The following OR6N2 variants were observed in gnomAD, a reference collection of about 807,000 sequenced individuals.
The protein encoded by OR6N2 is olfactory receptor 6N2.
For missense variants in OR6N2, 399 were observed against 379.7 expected, an observed-to-expected ratio of 1.05 and a Z score of -0.42; for synonymous variants, 160 against 138.3, an observed-to-expected ratio of 1.16 and a Z score of -1.10.
chr1:158,779,758 C>A (rs1174916367), intron 1 of OR6N2, among the ~76,000 whole-genome samples: 1 of 152,158 alleles, frequency 6.6e-6, no homozygotes, highest in African/African-American at 2.4e-5. Flanking sequence ...TGCTTCTTAT[C>A]CTTCAAAATG....
intron 1 of OR6N2, among the ~76,000 whole-genome samples, chr1:158,779,590 A>C (rs1421186940): frequency 6.6e-6 from 1 of 152,248 alleles, no homozygotes; most frequent in Non-Finnish European, 1.5e-5. Flanking sequence ...ATTGAAAGCA[A>C]CTGATACTTA....
chr1:158,775,699 C>A lies in OR6N2; in HGVS notation c.*983G>T, dbSNP rs961744891. ...GGTAATTTACACCAGGGTAGAAACA[C>A]TAAAGAGTATAAGAAATAAATTGAT... On this transcript the variant is annotated 3_prime_UTR_variant, in exon 2 of 2. Transcript: ENST00000641131. The A allele has an allele frequency of 6.6e-6, 1 of 151,698 alleles. No homozygotes were observed. 9.4% of individuals were successfully genotyped at this position (151,698 alleles called of 1,614,324 possible).
In OR6N2 at chr1:158,774,461, C is replaced by G. The variant is rs555600978; in HGVS notation, c.*2221G>C. On this transcript the variant is annotated 3_prime_UTR_variant, in exon 2 of 2. Coordinates refer to ENST00000641131, the MANE Select transcript of OR6N2 (RefSeq NM_001005278.2). ...AGCCCATTCCCACAGCTCAGGAAAG[C>G]TGCCCAGGCTGAATGAACTCTCACT... 7.2e-5 allele frequency: 11 copies of G among 152,298 alleles called. No individual in the cohort carries two copies. In the South Asian group the frequency reaches 2.3e-3, roughly 32 times the overall value. 9.4% of individuals were successfully genotyped at this position (152,298 alleles called of 1,614,324 possible). A position where few individuals can be genotyped will look rare whatever the true frequency, so the allele number is the denominator to read the frequency against.
At position 158,777,100 on chromosome 1, in the gene OR6N2, C is replaced by T. The variant is rs776018180; in HGVS notation, c.536G>A (p.Cys179Tyr). The T allele has an allele frequency of 1.9e-6, 3 of 1,614,104 alleles. No homozygotes were observed. The highest frequency in any genetic ancestry group is 2.5e-6 in the Non-Finnish European group (3 of 1,180,002). Residue 179 changes from cysteine (C) to tyrosine (Y), a missense_variant, in exon 2 of 2, where the codon TGT (cysteine) becomes TAT (tyrosine). Coordinates refer to ENST00000641131, the MANE Select transcript of OR6N2 (RefSeq NM_001005278.2). ...CAYNEIQHIF[C>Y]DFPPLLSLAC... ...CAAGCTCAGCAAAGGTGGAAAGTCACAGAAAATGTGTTGGATTTCATTGTA... is the reference window on the plus strand; with the variant it reads ...CAAGCTCAGCAAAGGTGGAAAGTCATAGAAAATGTGTTGGATTTCATTGTA...
rs772614583 is a variant in OR6N2 at position 158,776,999 on chromosome 1, A to G, written c.637T>C (p.Phe213Leu). ...NAFIILITFF[F>L]IMISYARIIG... ...ATCCTTGCATAAGAAATCATGATAA[A>G]GAAGAAAGTGATAAGAATTATGAAA... Residue 213 changes from phenylalanine (F) to leucine (L), a missense_variant, in exon 2 of 2, where the codon TTT becomes CTT. Coordinates refer to ENST00000641131, the MANE Select transcript of OR6N2 (RefSeq NM_001005278.2). 1.2e-6 allele frequency: 2 copies of G among 1,614,176 alleles called. No homozygotes were observed. Among genetic ancestry groups the G allele is most frequent in the East Asian group, 4.5e-5 (2 of 44,880 alleles).
chr1:158,778,399 A>G (rs1185761641), intron 1 of OR6N2, among the ~76,000 whole-genome samples: 1 of 152,226 alleles, frequency 6.6e-6, no homozygotes, highest in Non-Finnish European at 1.5e-5. Flanking sequence ...ATCTGGGATC[A>G]GCTGTGTAAA....
In OR6N2 at chr1:158,776,611, G is replaced by T; in HGVS notation, c.*71C>A. 1.2e-6 allele frequency: 1 copy of T among 816,520 alleles called. No homozygotes were observed. The highest frequency in any genetic ancestry group is 2.0e-6 in the Non-Finnish European group (1 of 505,592). 50.6% of individuals were successfully genotyped at this position (816,520 alleles called of 1,614,324 possible). On this transcript the variant is annotated 3_prime_UTR_variant, in exon 2 of 2. Coordinates refer to ENST00000641131, the MANE Select transcript of OR6N2 (RefSeq NM_001005278.2). ...AGGAAATGAAATTCAGAGCATGTGT[G>T]ATGATGGGAAGATTACTCAAGGAAC...
chr1:158,775,548 T>A lies in OR6N2; in HGVS notation c.*1134A>T, dbSNP rs1358521311. 6.6e-6 allele frequency: 1 copy of A among 152,214 alleles called. No homozygotes were observed. Among genetic ancestry groups the A allele is most frequent in the African/African-American group, 2.4e-5 (1 of 41,448 alleles). The allele number at this position is 152,214 out of a possible 1,614,324, so 9.4% of individuals were successfully genotyped here. Reference sequence around the variant, plus strand: ...AATTTCTCATGTTTTTATAAAATGGTATATACAATTCAGATTTCAAATACA... The same window carrying A: ...AATTTCTCATGTTTTTATAAAATGGAATATACAATTCAGATTTCAAATACA... On this transcript the variant is annotated 3_prime_UTR_variant, in exon 2 of 2. Transcript: ENST00000641131.
Position 158,777,405 on chromosome 1 carries a change from A to G in OR6N2, c.231T>C (p.Thr77=). 6.2e-7 allele frequency: 1 copy of G among 1,614,158 alleles called. No homozygotes were observed. Among genetic ancestry groups the G allele is most frequent in the Non-Finnish European group, 8.5e-7 (1 of 1,179,946 alleles). Residue 77 remains threonine, a synonymous_variant, in exon 2 of 2, where the codon ACT becomes ACC. Coordinates refer to ENST00000641131, the MANE Select transcript of OR6N2 (RefSeq NM_001005278.2). ...GAATATTAGACAACATCTTAGGGAT[A>G]GTGGTAGCTGTATACCACAACTCCA... The part of the protein sequence containing the change: ...SFLELWYTAT[T]IPKMLSNILS...
At chr1:158,779,991 G>T (rs774736196) in intron 1 of OR6N2, among the ~76,000 whole-genome samples, 1 of 152,176 alleles carries the variant, frequency 6.6e-6, no homozygotes, top group Non-Finnish European at 1.5e-5. Context: ...GCATAGAATT[G>T]TGAAATCAAT....
At chr1:158,778,290 A>AG (rs1657661130) in intron 1 of OR6N2, among the ~76,000 whole-genome samples, 1 of 152,358 alleles carries the variant, frequency 6.6e-6, no homozygotes, top group Admixed American at 6.5e-5. Flanking sequence ...TGTAAAGTAC[A>AG]GAACACTTCA....
chr1:158,776,711 C>T lies in OR6N2; in HGVS notation c.925G>A (p.Gly309Arg). 1 of 1,610,172 alleles carries T rather than the reference C, an allele frequency of 6.2e-7. No homozygotes were observed. Among genetic ancestry groups the T allele is most frequent in the Non-Finnish European group, 8.5e-7 (1 of 1,177,542 alleles). Residue 309 changes from glycine (G) to arginine (R), a missense_variant, in exon 2 of 2, where the codon GGA becomes AGA. Physicochemically the swap from Gly to Arg is moderately radical, Grantham distance 125 (BLOSUM62 -2). Transcript: ENST00000641131. ...AGATGAGCAAGACTAGCTTTATCTC[C>T]CTTCTGGAAGATGGTCCTCTTGATA... is the stretch of plus-strand genomic sequence containing the variant. ...KAIKRTIFQK[G>R]DKASLAHL
At chr1:158,778,210 T>A (rs1431969936) in intron 1 of OR6N2, among the ~76,000 whole-genome samples, 1 of 152,178 alleles carries the variant, frequency 6.6e-6, no homozygotes, top group African/African-American at 2.4e-5. Flanking sequence ...AACACAAAAT[T>A]CAGCAAGGTA....
At chr1:158,777,859 A>C (rs1035057858) in intron 1 of OR6N2, among the ~76,000 whole-genome samples, 1 of 152,186 alleles carries the variant, frequency 6.6e-6, no homozygotes. Context: ...TTCAATATTT[A>C]CTTAATTTTT....
Position 158,776,927 on chromosome 1 carries a change from C to G in OR6N2, c.709G>C (p.Ala237Pro), listed in dbSNP as rs750294694. Reference protein sequence around the residue: ...KIKTASGRKKAFSTCASHLAV... With the variant: ...KIKTASGRKKPFSTCASHLAV... ...AGATGTGAGGCACAGGTAGAAAAGG[C>G]CTTCTTTCTTCCTGATGCTGTTTTT... The change falls in exon 2 of 2, where the codon GCC (alanine) becomes CCC (proline). Residue 237 changes from alanine to proline, a missense_variant. Coordinates refer to ENST00000641131, the MANE Select transcript of OR6N2 (RefSeq NM_001005278.2). 3.1e-6 allele frequency: 5 copies of G among 1,613,838 alleles called. No homozygotes were observed. The highest frequency in any genetic ancestry group is 3.3e-5 in the Admixed American group (2 of 60,000).
rs1440646428 is a variant in OR6N2 at position 158,777,783 on chromosome 1, T to C, written c.-6-142A>G. Reference sequence around the variant, plus strand: ...TTGCCCTCACTACTATTACTATTACTGTAAAAATATTAATAGCTAACTCTT... The same window carrying C: ...TTGCCCTCACTACTATTACTATTACCGTAAAAATATTAATAGCTAACTCTT... On this transcript the variant is annotated intron_variant, in intron 1 of 1. Transcript: ENST00000641131. 33 of 592,806 alleles carry C rather than the reference T, an allele frequency of 5.6e-5. No individual in the cohort carries two copies. The East Asian group carries it at 9.3e-4, about 17-fold the overall frequency. The allele number at this position is 592,806 out of a possible 1,614,324, so 36.7% of individuals were successfully genotyped here. A position where few individuals can be genotyped will look rare whatever the true frequency, so the allele number is the denominator to read the frequency against.
In OR6N2 at chr1:158,776,459, T is replaced by A. The variant is rs918294135; in HGVS notation, c.*223A>T. Reference sequence around the variant, plus strand: ...ACCTAGGAAATATACATGCTTTTTTTTAAAAAAAGAAGTATGTAGATACTA... The same window carrying A: ...ACCTAGGAAATATACATGCTTTTTTATAAAAAAAGAAGTATGTAGATACTA... On this transcript the variant is annotated 3_prime_UTR_variant, in exon 2 of 2. Coordinates refer to ENST00000641131, the MANE Select transcript of OR6N2 (RefSeq NM_001005278.2). 9 of 386,228 alleles carry A rather than the reference T, an allele frequency of 2.3e-5. No individual in the cohort carries two copies. Among genetic ancestry groups the A allele is most frequent in the African/African-American group, 1.7e-4 (8 of 47,954 alleles). 23.9% of individuals were successfully genotyped at this position (386,228 alleles called of 1,614,324 possible).
At position 158,776,798 on chromosome 1, in the gene OR6N2, C is replaced by T. The variant is rs186539843; in HGVS notation, c.838G>A (p.Val280Ile). ...ATTGGATTGACCATTGGTGTTAGTA[C>T]GGAGTAAACTATAGCAAGTGTTCGG... ...LDRTLAIVYS[V>I]LTPMVNPIIY... is the part of the protein sequence containing the mutation. The change falls in exon 2 of 2, where the codon GTA becomes ATA. Residue 280 changes from valine (V) to isoleucine (I), a missense_variant. Val to Ile is a conservative substitution (Grantham distance 29). Coordinates refer to ENST00000641131, the MANE Select transcript of OR6N2 (RefSeq NM_001005278.2). 866 of 1,613,882 alleles carry T rather than the reference C, an allele frequency of 5.4e-4. No individual in the cohort carries two copies. The highest frequency in any genetic ancestry group is 1.8e-3 in the Middle Eastern group (11 of 6,058).
rs754092153 is a variant in OR6N2 at position 158,776,904 on chromosome 1, A to G, written c.732T>C (p.His244=). The G allele has an allele frequency of 6.2e-7, 1 of 1,614,016 alleles. No individual in the cohort carries two copies. Among genetic ancestry groups the G allele is most frequent in the Non-Finnish European group, 8.5e-7 (1 of 1,180,008 alleles). ...RKKAFSTCAS[H]LAVVLIFFGS... ...CAAAGAAGATGAGGACCACAGCAAG[A>G]TGTGAGGCACAGGTAGAAAAGGCCT... Residue 244 remains histidine, a synonymous_variant, in exon 2 of 2, where the codon CAT becomes CAC. Transcript: ENST00000641131.
Sources: gnomAD v4.1 joint callset for allele counts (sites outside exome capture counted in the v4.1 genomes callset) on GRCh38, gnomAD v4.1.1 for gene constraint, MANE v1.5 for transcripts, NCBI Gene and HGNC (gene_info 2026-07-23, HGNC 2026-07-21) for gene names.